Variants in DLL4 observed in about 807,000 individuals in gnomAD.
The protein encoded by DLL4 is delta like canonical Notch ligand 4.
DLL4 carries 7 observed loss-of-function variants against 73.6 expected under a neutral mutation model. The ratio of observed to expected loss-of-function variants is 0.10; its 90% CI spans 0.05 to 0.18. The LOEUF (loss-of-function observed/expected upper bound fraction) is 0.18, where lower values mean the gene tolerates loss of function less well. DLL4 is among the 10% of genes least tolerant of loss of function. The pLI is 1.00. For synonymous variants in DLL4, 345 were observed against 374.3 expected (o/e 0.92, Z 0.90); for missense variants, 614 against 929.9 (o/e 0.66, Z 4.42).
chr15:40,932,360 C>T lies in DLL4; in HGVS notation c.763C>T (p.Pro255Ser). 1 of 1,613,990 alleles carries T rather than the reference C, an allele frequency of 6.2e-7. No individual in the cohort carries two copies. Among genetic ancestry groups the T allele is most frequent in the Non-Finnish European group, 8.5e-7 (1 of 1,179,890 alleles). The change falls in exon 6 of 11, where the codon CCC becomes TCC. Residue 255 changes from proline (P) to serine (S), a missense_variant. Pro to Ser is a moderately conservative substitution (Grantham distance 74). Coordinates refer to ENST00000249749, the MANE Select transcript of DLL4 (RefSeq NM_019074.4). Reference sequence around the variant, plus strand: ...GGGCCGGCTGTGTAACGAATGCATCCCCCACAATGGCTGTCGCCACGGCAC... The same window carrying T: ...GGGCCGGCTGTGTAACGAATGCATCTCCCACAATGGCTGTCGCCACGGCAC... ...WQGRLCNECI[P>S]HNGCRHGTCS...
At position 40,931,537 on chromosome 15, in the gene DLL4, C is replaced by A. The variant is rs375261574; in HGVS notation, c.429C>A (p.Ile143=). 11 of 1,609,634 alleles carry A rather than the reference C, an allele frequency of 6.8e-6. No homozygotes were observed. Among genetic ancestry groups the A allele is most frequent in the Admixed American group, 3.4e-5 (2 of 59,414 alleles). The change falls in exon 4 of 11, where the codon ATC becomes ATA. Residue 143 remains isoleucine, a synonymous_variant. Transcript: ENST00000249749. ...ALPPDALISK[I]AIQGSLAVGQ... is the part of the protein sequence containing the mutation. ...CACCAGATGCACTCATCAGCAAGAT[C>A]GCCATCCAGGGCTCCCTAGCTGTGG... is the stretch of plus-strand genomic sequence containing the variant.
chr15:40,934,924 G>T lies in DLL4; in HGVS notation c.1047G>T (p.Leu349=), dbSNP rs1227409763. The change falls in exon 8 of 11, where the codon CTG becomes CTT. Residue 349 remains leucine (L), a synonymous_variant. Coordinates refer to ENST00000249749, the MANE Select transcript of DLL4 (RefSeq NM_019074.4). ...CKDQEDGYHC[L]CPPGYYGLHC... ...ACCAGGAGGATGGCTACCACTGCCT[G>T]TGTCCTCCGGGCTACTATGGCCTGC... is the stretch of plus-strand genomic sequence containing the variant. 1.2e-6 allele frequency: 2 copies of T among 1,613,718 alleles called. No individual in the cohort carries two copies. Among genetic ancestry groups the T allele is most frequent in the Non-Finnish European group, 1.7e-6 (2 of 1,179,872 alleles).
At chr15:40,933,941 G>A (rs1031939981) in intron 6 of DLL4, among the ~76,000 whole-genome samples, 2 of 150,546 alleles carry the variant, frequency 1.3e-5, no homozygotes, top group Admixed American at 1.3e-4. Context: ...CAGGAGAATG[G>A]CGAAGTAGAG....
chr15:40,934,568 C>G lies in DLL4; in HGVS notation c.871C>G (p.His291Asp). The G allele has an allele frequency of 1.2e-6, 2 of 1,613,852 alleles. No homozygotes were observed. The highest frequency in any genetic ancestry group is 1.7e-6 in the Non-Finnish European group (2 of 1,179,842). The part of the protein sequence containing the change: ...CDQDLNYCTH[H>D]SPCKNGATCS... ...TGCAGATCTCAACTACTGCACCCACCACTCCCCATGCAAGAATGGGGCAAC... is the reference window on the plus strand; with the variant it reads ...TGCAGATCTCAACTACTGCACCCACGACTCCCCATGCAAGAATGGGGCAAC... Residue 291 changes from histidine to aspartate, a missense_variant, in exon 7 of 11, where the codon CAC becomes GAC. His to Asp is a moderately conservative substitution (Grantham distance 81). Coordinates refer to ENST00000249749, the MANE Select transcript of DLL4 (RefSeq NM_019074.4).
rs374910310 is a variant in DLL4, at chr15:40,932,216, A to C, written c.704A>C (p.Lys235Thr). ...CATGAACAGAATGGCTACTGCAGCAAGCCAGCAGAGTGCCTGTGAGTAGGG... is the reference window on the plus strand; with the variant it reads ...CATGAACAGAATGGCTACTGCAGCACGCCAGCAGAGTGCCTGTGAGTAGGG... ...GCHEQNGYCSKPAECLCRPGW... is the reference protein window; with the variant it reads ...GCHEQNGYCSTPAECLCRPGW... The change falls in exon 5 of 11, where the codon AAG becomes ACG. Residue 235 changes from lysine to threonine, a missense_variant. Lys to Thr is a moderately conservative substitution (Grantham distance 78). Around this residue, in one of 3 missense-constraint regions of DLL4, gnomAD observed 227 missense variants for 370.8 expected, o/e 0.61. Transcript: ENST00000249749. 192 of 1,613,946 alleles carry C rather than the reference A, an allele frequency of 1.2e-4. 1 individual carries two copies. The highest frequency in any genetic ancestry group is 1.5e-4 in the Non-Finnish European group (180 of 1,179,906).
intron 5 of DLL4, 26 bp downstream of exon 5, chr15:40,932,257 G>A (rs746292456): frequency 6.2e-7 from 1 of 1,614,016 alleles, no homozygotes; most frequent in Non-Finnish European, 8.5e-7. Flanking sequence ...GAAGTGGTGA[G>A]TGGGAGCCCT....
At position 40,938,283 on chromosome 15, in the gene DLL4, G is replaced by A. The variant is rs188623572; in HGVS notation, c.*249G>A. 6 of 396,222 alleles carry A rather than the reference G, an allele frequency of 1.5e-5. No individual in the cohort carries two copies. In the East Asian group the frequency reaches 2.3e-4, roughly 15 times the overall value. The allele number at this position is 396,222 out of a possible 1,614,324, so 24.5% of individuals were successfully genotyped here. A position where few individuals can be genotyped will look rare whatever the true frequency, so the allele number is the denominator to read the frequency against. On this transcript the variant is annotated 3_prime_UTR_variant, in exon 11 of 11. Transcript: ENST00000249749. ...CAGAGGAACAGAAGAGAAGAGAGAT[G>A]CCACTGGGCACTGCCCTGCCAGTAG... is the stretch of plus-strand genomic sequence containing the variant.
intron 8 of DLL4, among the ~76,000 whole-genome samples, chr15:40,935,719 C>T (rs564372212): frequency 2.0e-5 from 3 of 152,330 alleles, no homozygotes; most frequent in East Asian, 1.9e-4. Context: ...TTCTTCATCA[C>T]TGAATGGGAA....
chr15:40,933,965 G>A (rs1320651069), intron 6 of DLL4, among the ~76,000 whole-genome samples: 1 of 144,302 alleles, frequency 6.9e-6, no homozygotes, highest in Non-Finnish European at 1.5e-5. Flanking sequence ...GCAGTGAGCC[G>A]AGGTCGTGCC....
chr15:40,936,218 G>T lies in DLL4; in HGVS notation c.1241-10G>T. The T allele has an allele frequency of 1.9e-6, 3 of 1,563,368 alleles. No individual in the cohort carries two copies. Among genetic ancestry groups the T allele is most frequent in the Non-Finnish European group, 8.6e-7 (1 of 1,156,856 alleles). Reference sequence around the variant, plus strand: ...GCTATCACTGACTTGTGTCTCATGCGTCCTCACAGGGGGACAGTGCCTGAA... The same window carrying T: ...GCTATCACTGACTTGTGTCTCATGCTTCCTCACAGGGGGACAGTGCCTGAA... On this transcript the variant is annotated splice_polypyrimidine_tract_variant and intron_variant, in intron 8 of 10. Transcript: ENST00000249749.
rs918781769 is a variant in DLL4 at position 40,930,764 on chromosome 15, C to T, written c.394+82C>T. The stretch of plus-strand genomic sequence containing the variant: ...TAATCTGTTCTAGGCGGGGGAAGTG[C>T]GGGCTTGGGGGTGGGAGGCAGGACG... On this transcript the variant is annotated intron_variant, in intron 3 of 10. Coordinates refer to ENST00000249749, the MANE Select transcript of DLL4 (RefSeq NM_019074.4). This position sits in a 1 kb window ranked among gnomAD's most constrained non-coding sequence, Gnocchi z 5.7. 7.6e-7 allele frequency: 1 copy of T among 1,316,940 alleles called. No individual in the cohort carries two copies. The highest frequency in any genetic ancestry group is 1.1e-6 in the Non-Finnish European group (1 of 929,346). The allele number at this position is 1,316,940 out of a possible 1,614,324, so 81.6% of individuals were successfully genotyped here.
At chr15:40,934,851 C>T (rs779578678) in intron 7 of DLL4, 47 bp from the exon 8 acceptor site, 7 of 1,597,542 alleles carry the variant, frequency 4.4e-6, no homozygotes, top group Non-Finnish European at 6.0e-6. Context: ...GTCACACATC[C>T]CTGCCCCCCA....
At position 40,929,910 on chromosome 15, in the gene DLL4, C is replaced by G. The variant is rs748504505; in HGVS notation, c.130C>G (p.Leu44Val). Residue 44 changes from leucine (L) to valine (V), a missense_variant, in exon 2 of 11, where the codon CTG becomes GTG. Leu to Val is a conservative substitution (Grantham distance 32). This residue lies in a region of DLL4 where 227 missense variants were observed against 370.8 expected (regional missense o/e 0.61). Coordinates refer to ENST00000249749, the MANE Select transcript of DLL4 (RefSeq NM_019074.4). The surrounding 1 kb of genome is among the most constrained non-coding windows in gnomAD (Gnocchi z 7.1). ...LQEFINERGV[L>V]ASGRPCEPGC... ...GGAGTTCATCAACGAGCGCGGCGTA[C>G]TGGCCAGTGGGCGGCCTTGCGAGCC... 1.1e-5 allele frequency: 17 copies of G among 1,612,932 alleles called. No individual in the cohort carries two copies. Among genetic ancestry groups the G allele is most frequent in the Non-Finnish European group, 1.7e-6 (2 of 1,179,812 alleles).
At position 40,938,993 on chromosome 15, in the gene DLL4, A is replaced by G. The variant is rs1015106540; in HGVS notation, c.*959A>G. ...CTAGTATTTCAATAATTTAAGAATC[A>G]GAAGCACTGACCTTTCTACATTTTA... On this transcript the variant is annotated 3_prime_UTR_variant, in exon 11 of 11. Coordinates refer to ENST00000249749, the MANE Select transcript of DLL4 (RefSeq NM_019074.4). The G allele has an allele frequency of 6.6e-6, 1 of 150,866 alleles. No individual in the cohort carries two copies. Among genetic ancestry groups the G allele is most frequent in the African/African-American group, 2.5e-5 (1 of 40,788 alleles). 9.3% of individuals were successfully genotyped at this position (150,866 alleles called of 1,614,324 possible).
Position 40,929,855 on chromosome 15 carries a change from C to G in DLL4, c.75C>G (p.Ala25=). Residue 25 remains alanine (A), a synonymous_variant, in exon 2 of 11, where the codon GCC becomes GCG. Coordinates refer to ENST00000249749, the MANE Select transcript of DLL4 (RefSeq NM_019074.4). This position sits in a 1 kb window ranked among gnomAD's most constrained non-coding sequence, Gnocchi z 7.1. ...LLVALWQQRA[A]GSGVFQLQLQ... Reference sequence around the variant, plus strand: ...CGGTCCCTGTGCAATAGCGCGCGGCCGGCTCCGGCGTCTTCCAGCTGCAGC... The same window carrying G: ...CGGTCCCTGTGCAATAGCGCGCGGCGGGCTCCGGCGTCTTCCAGCTGCAGC... 6.2e-7 allele frequency: 1 copy of G among 1,611,392 alleles called. No individual in the cohort carries two copies. Among genetic ancestry groups the G allele is most frequent in the Non-Finnish European group, 8.5e-7 (1 of 1,179,464 alleles).
chr15:40,929,938 G>C lies in DLL4; in HGVS notation c.158G>C (p.Gly53Ala). ...VLASGRPCEPGCRTFFRVCLK... is the reference protein window; with the variant it reads ...VLASGRPCEPACRTFFRVCLK... ...GCCAGTGGGCGGCCTTGCGAGCCCGGCTGCCGGACTTTCTTCCGCGTCTGC... is the reference window on the plus strand; with the variant it reads ...GCCAGTGGGCGGCCTTGCGAGCCCGCCTGCCGGACTTTCTTCCGCGTCTGC... The change falls in exon 2 of 11, where the codon GGC becomes GCC. Residue 53 changes from glycine to alanine, a missense_variant. Physicochemically the swap from Gly to Ala is moderately conservative, Grantham distance 60. Transcript: ENST00000249749. The surrounding 1 kb of genome is among the most constrained non-coding windows in gnomAD (Gnocchi z 7.1). The C allele has an allele frequency of 6.2e-7, 1 of 1,613,076 alleles. No individual in the cohort carries two copies. The highest frequency in any genetic ancestry group is 1.1e-5 in the South Asian group (1 of 91,080).
chr15:40,935,413 C>A (rs897324981), intron 8 of DLL4, among the ~76,000 whole-genome samples: 9 of 152,336 alleles, frequency 5.9e-5, no homozygotes, highest in African/African-American at 2.2e-4. Flanking sequence ...AAGTCCTGAG[C>A]TGGAGAGAGG....
chr15:40,937,875 G>A lies in DLL4; in HGVS notation c.2053-154G>A, dbSNP rs145218584. 2.0e-5 allele frequency among the ~76,000 whole-genome samples: 3 copies of A among 152,272 alleles called. No homozygotes were observed. In the East Asian group the frequency reaches 5.8e-4, roughly 30 times the overall value. ...CTCATGAGCGCAAGCTCCCAGGCCC[G>A]TGTGTGTGTTGGGCCGAAGACTGGG... is the stretch of plus-strand genomic sequence containing the variant. On this transcript the variant is annotated intron_variant, in intron 10 of 10. Coordinates refer to ENST00000249749, the MANE Select transcript of DLL4 (RefSeq NM_019074.4).
In DLL4 at chr15:40,936,714, A is replaced by G. The variant is rs1230325162; in HGVS notation, c.1727A>G (p.Lys576Arg). 5 of 1,613,794 alleles carry G rather than the reference A, an allele frequency of 3.1e-6. No homozygotes were observed. The highest frequency in any genetic ancestry group is 1.7e-5 in the Admixed American group (1 of 60,028). Residue 576 changes from lysine (K) to arginine (R), a missense_variant, in exon 9 of 11, where the codon AAG becomes AGG. Physicochemically the swap from Lys to Arg is conservative, Grantham distance 26 (BLOSUM62 2). Around this residue, in one of 3 missense-constraint regions of DLL4, gnomAD observed 386 missense variants for 541.3 expected, o/e 0.71. Transcript: ENST00000249749. ...ATGAACAACTTGTCGGACTTCCAGAAGGACAACCTGATTCCTGCCGCCCAG... is the reference window on the plus strand; with the variant it reads ...ATGAACAACTTGTCGGACTTCCAGAGGGACAACCTGATTCCTGCCGCCCAG... ...EAMNNLSDFQKDNLIPAAQLK... is the reference protein window; with the variant it reads ...EAMNNLSDFQRDNLIPAAQLK...
Sources: allele counts gnomAD v4.1 joint callset (sites outside exome capture counted in the v4.1 genomes callset), GRCh38; gene constraint gnomAD v4.1.1; regional missense constraint gnomAD v4.1.1; non-coding constraint Gnocchi (gnomAD v3.1); transcripts MANE v1.5; gene names NCBI Gene and HGNC (gene_info 2026-07-23, HGNC 2026-07-21).